The following HSD17B12 variants were observed in gnomAD, a reference collection of about 807,000 sequenced individuals.
HSD17B12 encodes hydroxysteroid 17-beta dehydrogenase 12, also known as very-long-chain 3-oxoacyl-CoA reductase.
A neutral mutation model predicts 39.3 loss-of-function variants in HSD17B12; 32 were observed. The ratio of observed to expected loss-of-function variants is 0.81; its 90% CI spans 0.61 to 1.09. The LOEUF (loss-of-function observed/expected upper bound fraction) is 1.09, where lower values mean the gene tolerates loss of function less well. HSD17B12 is among the 50% of genes least tolerant of loss of function. HSD17B12 has a pLI of 0.00. For missense variants in HSD17B12, 342 were observed against 382.9 expected (o/e 0.89, Z 0.89); for synonymous variants, 150 against 146.7 (o/e 1.02, Z -0.16).
At chr11:43,753,855 C>T (rs1199489923) in intron 2 of HSD17B12, among the ~76,000 whole-genome samples, 191 bp from the exon 3 acceptor site, 1 of 152,104 alleles carries the variant, frequency 6.6e-6, no homozygotes, top group Non-Finnish European at 1.5e-5. Context: ...TAAATACTAG[C>T]TTGGCTTAGA....
intron 3 of HSD17B12, among the ~76,000 whole-genome samples, chr11:43,781,238 C>A (rs567645004): frequency 6.6e-6 from 1 of 152,082 alleles, no homozygotes; most frequent in South Asian, 2.1e-4. Flanking sequence ...GTGCCCTTAA[C>A]GCTATGTTTT....
At chr11:43,795,373 A>T (rs1050763868) in intron 3 of HSD17B12, among the ~76,000 whole-genome samples, 1 of 152,148 alleles carries the variant, frequency 6.6e-6, no homozygotes, top group Admixed American at 6.6e-5. Flanking sequence ...TATAATTCTT[A>T]TTCAATTGCC....
intron 1 of HSD17B12, among the ~76,000 whole-genome samples, chr11:43,742,150 T>TTA (rs1554964312): frequency 6.8e-6 from 1 of 146,682 alleles, no homozygotes; most frequent in East Asian, 2.0e-4. Flanking sequence ...TTTTTTTTTT[T>TTA]AAATTGAGAC....
intron 1 of HSD17B12, among the ~76,000 whole-genome samples, chr11:43,689,894 G>A (rs1450022465): frequency 6.6e-6 from 1 of 151,832 alleles, no homozygotes; most frequent in African/African-American, 2.4e-5. Context: ...ATTGACCTCT[G>A]ACCTCATCTC....
At chr11:43,711,620 G>A (rs1016535950) in intron 1 of HSD17B12, among the ~76,000 whole-genome samples, 1 of 151,752 alleles carries the variant, frequency 6.6e-6, no homozygotes, top group African/African-American at 2.4e-5. Flanking sequence ...AGCTACACAT[G>A]TGTACTACCA....
chr11:43,578,588 G>T, the HSD17B12 span, among the ~76,000 whole-genome samples: 3 of 152,148 alleles, frequency 2.0e-5, no homozygotes, highest in Non-Finnish European at 4.4e-5. Flanking sequence ...CGGCCTCCTC[G>T]TCATTCACTG....
intron 3 of HSD17B12, among the ~76,000 whole-genome samples, chr11:43,782,567 T>C (rs1015728542): frequency 6.6e-6 from 1 of 151,772 alleles, no homozygotes; most frequent in Non-Finnish European, 1.5e-5. Flanking sequence ...TCCCAGCTAC[T>C]TGTGAGGCTG....
intron 1 of HSD17B12, among the ~76,000 whole-genome samples, chr11:43,721,364 A>G (rs538605602): frequency 6.6e-6 from 1 of 152,188 alleles, no homozygotes; most frequent in Non-Finnish European, 1.5e-5. Flanking sequence ...GATGCCTGTA[A>G]TCTCAGCACG....
At chr11:43,830,842 A>T in intron 6 of HSD17B12, 134 bp from the exon 7 acceptor site, 1 of 676,582 alleles carries the variant, frequency 1.5e-6, no homozygotes, top group South Asian at 1.9e-5. Context: ...AGTGTACAGA[A>T]AATAACCTGC....
intron 3 of HSD17B12, among the ~76,000 whole-genome samples, chr11:43,778,513 C>G (rs879929094): frequency 1.5e-5 from 2 of 133,128 alleles, no homozygotes; most frequent in Non-Finnish European, 3.2e-5. Context: ...GATACCAAAG[C>G]CGGGCAGAGA....
At chr11:43,833,360 G>C (rs10838182) in intron 7 of HSD17B12, 48,993 of 151,962 alleles carry the variant, frequency 0.32, 9,614 homozygotes, top group East Asian at 0.7. Flanking sequence ...CGTCATTCAG[G>C]ATCTGAGGCT....
At chr11:43,613,305 C>T in the HSD17B12 span, among the ~76,000 whole-genome samples, 1 of 151,732 alleles carries the variant, frequency 6.6e-6, no homozygotes, top group South Asian at 2.1e-4. Flanking sequence ...GGTATGGAAA[C>T]TGCTTGAGCC....
chr11:43,689,288 C>A (rs995516051), intron 1 of HSD17B12, among the ~76,000 whole-genome samples: 1 of 152,140 alleles, frequency 6.6e-6, no homozygotes, highest in Admixed American at 6.5e-5. Context: ...TTCAAAATAT[C>A]CAGAATCTAG....
chr11:43,730,001 G>C (rs771704066), intron 1 of HSD17B12, among the ~76,000 whole-genome samples: 1 of 150,812 alleles, frequency 6.6e-6, no homozygotes, highest in Non-Finnish European at 1.5e-5. Context: ...TTAAATCACA[G>C]CTCTGACTTG....
At position 43,703,405 on chromosome 11, in the gene HSD17B12, G is replaced by A. The variant is rs4587718; in HGVS notation, c.160+22418G>A. Among the ~76,000 whole-genome samples the A allele has an allele frequency of 1.2e-3, 181 of 152,074 alleles. 2 individuals are homozygous for A. The highest frequency in any genetic ancestry group is 9.6e-3 in the Admixed American group (146 of 15,262). On this transcript the variant is annotated intron_variant, in intron 1 of 10. Transcript: ENST00000278353. The stretch of plus-strand genomic sequence containing the variant: ...GAGACGGGGTTTCACCGTTTTAGCC[G>A]GGATGGTCTCGATCTCCCGACCTCG...
At chr11:43,665,250 AT>A in the HSD17B12 span, among the ~76,000 whole-genome samples, 1 of 152,122 alleles carries the variant, frequency 6.6e-6, no homozygotes, top group Non-Finnish European at 1.5e-5. Context: ...TTATTTATTT[AT>A]TTAGTCGCCT....
the HSD17B12 span, among the ~76,000 whole-genome samples, chr11:43,610,356 T>C: frequency 0.091 from 13,805 of 152,214 alleles, 856 homozygotes; most frequent in Non-Finnish European, 0.13. Context: ...GGCAGGGTGG[T>C]GAGCAGATAG....
chr11:43,855,161 C>G lies in HSD17B12; in HGVS notation c.852C>G (p.Asn284Lys). Residue 284 changes from asparagine (N) to lysine (K), a missense_variant, in exon 11 of 11, where the codon AAC becomes AAG. Transcript: ENST00000278353. ...TTCCCTAGGGCTCGATAATCTCAAA[C>G]CTGCCTTCTTGGATTTATTTGAAAA... ...IHALMGSIISNLPSWIYLKIV... is the reference protein window; with the variant it reads ...IHALMGSIISKLPSWIYLKIV... The G allele has an allele frequency of 6.2e-7, 1 of 1,609,030 alleles. No individual in the cohort carries two copies. Among genetic ancestry groups the G allele is most frequent in the Admixed American group, 1.7e-5 (1 of 59,428 alleles).
chr11:43,832,651 A>G (rs926125117), intron 7 of HSD17B12, among the ~76,000 whole-genome samples: 2 of 152,198 alleles, frequency 1.3e-5, no homozygotes, highest in African/African-American at 4.8e-5. Flanking sequence ...ACATAAAGGC[A>G]ATGCAAAAAA....
Sources: allele counts gnomAD v4.1 joint callset (sites outside exome capture counted in the v4.1 genomes callset), GRCh38; gene constraint gnomAD v4.1.1; transcripts MANE v1.5; gene names NCBI Gene and HGNC (gene_info 2026-07-23, HGNC 2026-07-21).